OSBPL6: variants seen among roughly 807,000 people sequenced by gnomAD.
The protein encoded by OSBPL6 is oxysterol-binding protein-related protein 6.
A neutral mutation model predicts 125.8 loss-of-function variants in OSBPL6; 49 were observed. The observed-to-expected ratio is 0.39, with a 90% confidence interval of 0.31 to 0.49. OSBPL6 has a LOEUF of 0.49. Ranked by LOEUF, OSBPL6 falls within the 20% of genes least tolerant of loss-of-function variation. The pLI is 0.88. For missense variants in OSBPL6, 986 were observed against 1,135.4 expected (o/e 0.87, Z 1.89); for synonymous variants, 394 against 391.8 (o/e 1.01, Z -0.07).
intron 1 of OSBPL6, among the ~76,000 whole-genome samples, chr2:178,277,675 G>A (rs751626294): frequency 1.4e-4 from 21 of 152,198 alleles, no homozygotes; most frequent in Admixed American, 2.0e-4. Flanking sequence ...GAAAAATCAT[G>A]AATGTTTTGT....
At chr2:178,269,179 A>G (rs1044629980) in intron 1 of OSBPL6, among the ~76,000 whole-genome samples, 3 of 152,206 alleles carry the variant, frequency 2.0e-5, no homozygotes, top group African/African-American at 4.8e-5. Flanking sequence ...GAAGAGAGGT[A>G]TAGGGCAGGA....
chr2:178,223,673 G>A (rs184608139), intron 1 of OSBPL6, among the ~76,000 whole-genome samples: 69 of 152,254 alleles, frequency 4.5e-4, no homozygotes, highest in South Asian at 1.2e-3. Flanking sequence ...TAAGTGATTG[G>A]ATTCCATTTG....
intron 3 of OSBPL6, among the ~76,000 whole-genome samples, chr2:178,321,744 A>T (rs184543814): frequency 3.8e-4 from 58 of 152,338 alleles, no homozygotes; most frequent in African/African-American, 1.3e-3. Context: ...ACAAATACAT[A>T]CATTAGTGAT....
intron 1 of OSBPL6, among the ~76,000 whole-genome samples, chr2:178,273,121 G>T (rs1227001405): frequency 6.6e-6 from 1 of 152,164 alleles, no homozygotes; most frequent in African/African-American, 2.4e-5. Context: ...AGTGGGTAAA[G>T]AGTGAGTATG....
intron 1 of OSBPL6, among the ~76,000 whole-genome samples, chr2:178,253,668 A>G (rs1469452953): frequency 6.6e-6 from 1 of 152,226 alleles, no homozygotes; most frequent in Non-Finnish European, 1.5e-5. Flanking sequence ...CAGCAAGTCA[A>G]AAGTGAATAT....
intron 1 of OSBPL6, among the ~76,000 whole-genome samples, chr2:178,233,657 C>T (rs2090930488): frequency 6.6e-6 from 1 of 152,134 alleles, no homozygotes; most frequent in African/African-American, 2.4e-5. Flanking sequence ...GACACATGGG[C>T]AGGGAGGGAG....
chr2:178,360,397 C>A (rs374882800), intron 12 of OSBPL6, among the ~76,000 whole-genome samples: 1 of 152,008 alleles, frequency 6.6e-6, no homozygotes, highest in Admixed American at 6.5e-5. Flanking sequence ...ATGGATAAGA[C>A]GATGGATATG....
intron 1 of OSBPL6, among the ~76,000 whole-genome samples, chr2:178,206,639 GAGTCTCGCTCTGTTGCCC>G (rs1279576481): frequency 6.6e-6 from 1 of 152,038 alleles, no homozygotes; most frequent in African/African-American, 2.4e-5. Flanking sequence ...TTTTGAGATG[GAGTCTCGCTCTGTTGCCC>G]AGGCTGGAGT....
chr2:178,210,016 CTATT>C (rs754566716), intron 1 of OSBPL6, among the ~76,000 whole-genome samples: 3 of 148,578 alleles, frequency 2.0e-5, no homozygotes, highest in Admixed American at 6.7e-5. Context: ...ATTTATTTAT[CTATT>C]TATTTATTTA....
At chr2:178,200,686 G>T (rs2089200782) in intron 1 of OSBPL6, among the ~76,000 whole-genome samples, 2 of 152,118 alleles carry the variant, frequency 1.3e-5, no homozygotes, top group Admixed American at 1.3e-4. Flanking sequence ...TTGTACAGGG[G>T]TGTTCCTTGA....
At chr2:178,387,414 A>T (rs1331626010) in intron 20 of OSBPL6, among the ~76,000 whole-genome samples, 2 of 152,222 alleles carry the variant, frequency 1.3e-5, no homozygotes, top group African/African-American at 4.8e-5. Flanking sequence ...TTGATTGTAT[A>T]TAAAAGGTTC....
In OSBPL6 at chr2:178,398,384, T is replaced by C. The variant is rs1695976021; in HGVS notation, c.*2825T>C. The stretch of plus-strand genomic sequence containing the variant: ...GCTTCATCTCATTGGAGATGGTCAT[T>C]GAGGAGAGCAGTAATAAGTGACGAT... On this transcript the variant is annotated 3_prime_UTR_variant, in exon 25 of 25. Transcript: ENST00000190611. 6.6e-6 allele frequency: 1 copy of C among 152,204 alleles called. No homozygotes were observed. Among genetic ancestry groups the C allele is most frequent in the Non-Finnish European group, 1.5e-5 (1 of 68,046 alleles). The allele number at this position is 152,204 out of a possible 1,614,324, so 9.4% of individuals were successfully genotyped here.
chr2:178,218,633 C>CTTTTTTT (rs10699137), intron 1 of OSBPL6, among the ~76,000 whole-genome samples: 2 of 137,394 alleles, frequency 1.5e-5, no homozygotes, highest in African/African-American at 2.8e-5. Context: ...TTCTTTCTTT[C>CTTTTTTT]TTTTTTTTTT....
intron 18 of OSBPL6, 52 bp from the exon 19 acceptor site, chr2:178,385,406 C>A (rs1694856205): frequency 2.4e-6 from 3 of 1,255,416 alleles, no homozygotes; most frequent in African/African-American, 3.0e-5. Context: ...AATGGATGAC[C>A]ATGTGGAAGT....
chr2:178,284,856 G>A (rs1416003832), intron 1 of OSBPL6, 71 bp from the exon 2 acceptor site: 1 of 392,962 alleles, frequency 2.5e-6, no homozygotes, highest in East Asian at 3.6e-5. Flanking sequence ...ATTGGCCATA[G>A]GCAGTCCCCG....
chr2:178,366,950 G>A (rs761896460), intron 13 of OSBPL6, among the ~76,000 whole-genome samples: 1 of 152,184 alleles, frequency 6.6e-6, no homozygotes, highest in Non-Finnish European at 1.5e-5. Context: ...TGGCTGATAT[G>A]TCTATTAATG....
At chr2:178,360,102 A>G (rs1361950766) in intron 12 of OSBPL6, among the ~76,000 whole-genome samples, 1 of 151,812 alleles carries the variant, frequency 6.6e-6, no homozygotes, top group African/African-American at 2.4e-5. Flanking sequence ...AAAAGAAGCC[A>G]GTCCCAGAAA....
intron 2 of OSBPL6, among the ~76,000 whole-genome samples, chr2:178,304,653 T>C (rs1686598476): frequency 6.6e-6 from 1 of 152,180 alleles, no homozygotes; most frequent in Admixed American, 6.5e-5. Context: ...CACCTCCCAT[T>C]AGGCCTCACT....
intron 1 of OSBPL6, among the ~76,000 whole-genome samples, chr2:178,262,629 T>G (rs559309321): frequency 1.9e-4 from 29 of 152,114 alleles, no homozygotes; most frequent in Middle Eastern, 3.4e-3. Flanking sequence ...AAGAGCAGAG[T>G]TCCTTTTGAT....
Sources: allele counts gnomAD v4.1 joint callset (sites outside exome capture counted in the v4.1 genomes callset), GRCh38; gene constraint gnomAD v4.1.1; transcripts MANE v1.5; gene names NCBI Gene and HGNC (gene_info 2026-07-23, HGNC 2026-07-21).